The following THNSL2 variants were observed in gnomAD, a reference collection of about 807,000 sequenced individuals.
THNSL2 encodes the protein threonine synthase like 2.
Under a neutral mutation model 40.0 loss-of-function variants are expected in THNSL2, and 34 were observed. The ratio of observed to expected loss-of-function variants is 0.85; its 90% CI spans 0.65 to 1.13. The LOEUF is 1.13. Among genes scored for constraint, THNSL2 ranks in the 50% most tolerant of loss-of-function variants. The pLI is 0.00. For synonymous variants in THNSL2, 241 were observed against 247.5 expected, an observed-to-expected ratio of 0.97 and a Z score of 0.25; for missense variants, 537 against 608.8, an observed-to-expected ratio of 0.88 and a Z score of 1.24.
Position 88,186,182 on chromosome 2 carries a change from T to C in THNSL2, c.*59T>C, listed in dbSNP as rs78594831. On this transcript the variant is annotated 3_prime_UTR_variant, in exon 9 of 9. Coordinates refer to ENST00000674334, the MANE Select transcript of THNSL2 (RefSeq NM_018271.5). ...TCCCAGGAAGATGCACCTTCTGAGC[T>C]GCCTTGTGCACCCTCCCCATTAAGC... 6,375 of 1,493,456 alleles carry C rather than the reference T, an allele frequency of 4.3e-3. 226 individuals carry two copies. In the East Asian group the frequency reaches 0.089, roughly 21 times the overall value. The allele number at this position is 1,493,456 out of a possible 1,614,324, so 92.5% of individuals were successfully genotyped here. A position where few individuals can be genotyped will look rare whatever the true frequency, so the allele number is the denominator to read the frequency against.
chr2:88,173,082 C>T (rs1676525855), intron 1 of THNSL2, 57 bp from the exon 2 acceptor site: 3 of 1,291,430 alleles, frequency 2.3e-6, no homozygotes, highest in Non-Finnish European at 3.2e-6. Context: ...TTTGGCTTTG[C>T]CCGGTGGGGT....
intron 5 of THNSL2, 24 bp from the exon 6 acceptor site, chr2:88,182,675 G>T (rs1677812118): frequency 2.6e-6 from 4 of 1,515,314 alleles, no homozygotes; most frequent in Non-Finnish European, 3.6e-6. Context: ...AAAAGCCATT[G>T]TTCTCCTCCT....
chr2:88,170,979 C>G (rs1382809936), intron 1 of THNSL2, among the ~76,000 whole-genome samples: 4 of 152,102 alleles, frequency 2.6e-5, no homozygotes, highest in Non-Finnish European at 5.9e-5. Flanking sequence ...TTTATTTATC[C>G]TGGTTATTGG....
Position 88,182,966 on chromosome 2 carries a change from A to T in THNSL2, c.970A>T (p.Arg324Trp). Residue 324 changes from arginine to tryptophan, a missense_variant, in exon 7 of 9, where the codon AGG becomes TGG. Physicochemically the swap from Arg to Trp is moderately radical, Grantham distance 101. Transcript: ENST00000674334. ...MDIQVPYNME[R>W]VFWLLSGSDS... ...TGCTCAGGTGCCCTACAACATGGAG[A>T]GGGTGTTCTGGCTGCTCTCTGGCTC... 1 of 1,614,106 alleles carries T rather than the reference A, an allele frequency of 6.2e-7. No individual in the cohort carries two copies. Among genetic ancestry groups the T allele is most frequent in the Non-Finnish European group, 8.5e-7 (1 of 1,180,026 alleles).
Position 88,185,361 on chromosome 2 carries a change from G to C in THNSL2, c.1111G>C (p.Asp371His). 1 of 1,614,008 alleles carries C rather than the reference G, an allele frequency of 6.2e-7. No individual in the cohort carries two copies. The highest frequency in any genetic ancestry group is 1.1e-5 in the South Asian group (1 of 91,066). ...GGCAGTGACATCCGTGTCAGTGTCGGATGAAGCCATCACCCAGACCATGGG... is the reference window on the plus strand; with the variant it reads ...GGCAGTGACATCCGTGTCAGTGTCGCATGAAGCCATCACCCAGACCATGGG... ...SEAVTSVSVSDEAITQTMGRC... is the reference protein window; with the variant it reads ...SEAVTSVSVSHEAITQTMGRC... The change falls in exon 8 of 9, where the codon GAT becomes CAT. Residue 371 changes from aspartate (D) to histidine (H), a missense_variant. Asp to His is a moderately conservative substitution (Grantham distance 81). Coordinates refer to ENST00000674334, the MANE Select transcript of THNSL2 (RefSeq NM_018271.5).
intron 1 of THNSL2, chr2:88,171,615 C>T: frequency 5.4e-6 from 1 of 185,342 alleles, no homozygotes; most frequent in South Asian, 8.3e-5. Context: ...CTAACTCTTA[C>T]CACAGAATTG....
intron 1 of THNSL2, 149 bp from the exon 2 acceptor site, chr2:88,172,990 G>A: frequency 2.2e-6 from 1 of 451,482 alleles, no homozygotes; most frequent in Non-Finnish European, 3.9e-6. Context: ...CATGAGACTT[G>A]ATACAGGACT....
At chr2:88,185,285 A>AT (rs768625418) in intron 7 of THNSL2, 43 bp from the exon 8 acceptor site, 10 of 1,576,056 alleles carry the variant, frequency 6.3e-6, no homozygotes, top group Non-Finnish European at 7.8e-6. Context: ...CTTTCCCTAC[A>AT]TCCCCCCCCC....
intron 1 of THNSL2, 200 bp from the exon 2 acceptor site, chr2:88,172,939 A>G (rs541801663): frequency 1.5e-5 from 6 of 388,956 alleles, no homozygotes; most frequent in Non-Finnish European, 2.7e-5. Flanking sequence ...CCTCATTTTG[A>G]TTGGTGGAAT....
chr2:88,185,917 G>A lies in THNSL2; in HGVS notation c.1249G>A (p.Ala417Thr), dbSNP rs776614419. 37 of 1,607,400 alleles carry A rather than the reference G, an allele frequency of 2.3e-5. No individual in the cohort carries two copies. Among genetic ancestry groups the A allele is most frequent in the Non-Finnish European group, 2.7e-5 (32 of 1,177,666 alleles). The change falls in exon 9 of 9, where the codon GCC (alanine) becomes ACC (threonine). Residue 417 changes from alanine (A) to threonine (T), a missense_variant. Coordinates refer to ENST00000674334, the MANE Select transcript of THNSL2 (RefSeq NM_018271.5). ...CCACAGCACTCCCCGGTGCTGCCTC[G>A]CCCCTGCCTCTGCAGCCAAGTTCCC... ...QQPSTPRCCL[A>T]PASAAKFPEA...
chr2:88,171,505 C>G (rs1441902169), intron 1 of THNSL2: 3 of 338,474 alleles, frequency 8.9e-6, no homozygotes, highest in Non-Finnish European at 1.8e-5. Context: ...CCTGCCCTCA[C>G]TCCTGCGATG....
chr2:88,185,508 A>G, intron 8 of THNSL2, 29 bp downstream of exon 8: 1 of 1,583,050 alleles, frequency 6.3e-7, no homozygotes, highest in Non-Finnish European at 8.6e-7. Context: ...TGGGCCACTG[A>G]GGGACCATTT....
chr2:88,182,184 A>G (rs1677766633), intron 5 of THNSL2, among the ~76,000 whole-genome samples: 2 of 152,214 alleles, frequency 1.3e-5, no homozygotes. Context: ...AGGAACTGAC[A>G]GACTTCAGTT....
chr2:88,173,570 T>C (rs1676589855), intron 2 of THNSL2, among the ~76,000 whole-genome samples, 197 bp downstream of exon 2: 1 of 152,112 alleles, frequency 6.6e-6, no homozygotes, highest in African/African-American at 2.4e-5. Flanking sequence ...GGGAGATGAA[T>C]GTTGAAATTT....
chr2:88,173,432 T>C, intron 2 of THNSL2, 59 bp downstream of exon 2: 2 of 1,354,746 alleles, frequency 1.5e-6, no homozygotes, highest in Non-Finnish European at 2.0e-6. Context: ...GTCTACAGAA[T>C]TGTAAATCCA....
intron 5 of THNSL2, among the ~76,000 whole-genome samples, chr2:88,180,886 A>T (rs1404118039): frequency 6.6e-6 from 1 of 152,134 alleles, no homozygotes; most frequent in African/African-American, 2.4e-5. Flanking sequence ...TGTGCTCCGG[A>T]CTTAGGCATA....
chr2:88,179,052 A>T, intron 5 of THNSL2, 39 bp downstream of exon 5: 5 of 1,601,770 alleles, frequency 3.1e-6, no homozygotes, highest in Non-Finnish European at 4.3e-6. Context: ...TTTCCAGAAA[A>T]ATGCCTGTGG....
chr2:88,185,914 CT>C lies in THNSL2; in HGVS notation c.1247del (p.Leu416ProfsTer18), dbSNP rs1305650489. Reference protein sequence around the residue: ...RQQPSTPRCCLAPASAAKFPE... With the variant: ...RQQPSTPRCCXAPASAAKFPE... ...TCCCCACAGCACTCCCCGGTGCTGCCTCGCCCCTGCCTCTGCAGCCAAGTTC... is the reference window on the plus strand; with the variant it reads ...TCCCCACAGCACTCCCCGGTGCTGCCCGCCCCTGCCTCTGCAGCCAAGTTC... On this transcript the variant is annotated frameshift_variant, in exon 9 of 9. Coordinates refer to ENST00000674334, the MANE Select transcript of THNSL2 (RefSeq NM_018271.5). LOFTEE classifies it low-confidence loss of function (END_TRUNC). The C allele has an allele frequency of 6.2e-7, 1 of 1,606,758 alleles. No homozygotes were observed. Among genetic ancestry groups the C allele is most frequent in the Non-Finnish European group, 8.5e-7 (1 of 1,177,224 alleles).
intron 4 of THNSL2, among the ~76,000 whole-genome samples, chr2:88,178,019 TC>T (rs1677125271): frequency 6.6e-6 from 1 of 152,222 alleles, no homozygotes; most frequent in Non-Finnish European, 1.5e-5. Context: ...CTGGCACGTT[TC>T]CCAGTAAATT....
Sources: allele counts gnomAD v4.1 joint callset (sites outside exome capture counted in the v4.1 genomes callset), GRCh38; gene constraint gnomAD v4.1.1; transcripts MANE v1.5; gene names NCBI Gene and HGNC (gene_info 2026-07-23, HGNC 2026-07-21).